The following KIFAP3 variants were observed in gnomAD, a reference collection of about 807,000 sequenced individuals.
KIFAP3 encodes the protein kinesin-associated protein 3.
In KIFAP3, 68 loss-of-function variants were observed where a neutral mutation model predicts 106.5. That is an observed-to-expected ratio of 0.64 (90% confidence interval 0.53 to 0.78). The LOEUF (loss-of-function observed/expected upper bound fraction) is 0.78. Among genes scored for constraint, KIFAP3 ranks in the 30% least tolerant of loss-of-function variants. KIFAP3 has a pLI of 0.00. For synonymous variants in KIFAP3, 320 were observed against 311.5 expected, an observed-to-expected ratio of 1.03 and a Z score of -0.29; for missense variants, 780 against 941.8, an observed-to-expected ratio of 0.83 and a Z score of 2.25.
At chr1:169,973,319 A>G (rs1443881133) in intron 16 of KIFAP3, among the ~76,000 whole-genome samples, 2 of 149,868 alleles carry the variant, frequency 1.3e-5, no homozygotes, top group Non-Finnish European at 3.0e-5. Flanking sequence ...AAAGAGATAA[A>G]AAGATTAGAA....
chr1:170,008,866 CCCA>C (rs1668102899), intron 10 of KIFAP3, among the ~76,000 whole-genome samples: 2 of 152,268 alleles, frequency 1.3e-5, no homozygotes, highest in Admixed American at 1.3e-4. Context: ...ATGGAACCAA[CCCA>C]AATGCCCATC....
At chr1:170,011,181 C>CA (rs1041977722) in intron 10 of KIFAP3, among the ~76,000 whole-genome samples, 8 of 151,458 alleles carry the variant, frequency 5.3e-5, no homozygotes, top group African/African-American at 1.9e-4. Context: ...AGTTATTTGC[C>CA]AAAAAATAAT....
rs552543037 is a variant in KIFAP3 at position 170,050,624 on chromosome 1, G to A, written c.165-3758C>T. Among the ~76,000 whole-genome samples the A allele has an allele frequency of 4.0e-3, 611 of 152,288 alleles. 1 individual carries two copies. The highest frequency in any genetic ancestry group is 7.1e-3 in the Admixed American group (109 of 15,280). ...TCAGGTCAACTACAAAGGGAAGCCCGTCAGACTAACAGCGGATCTCTCTGC... is the reference window on the plus strand; with the variant it reads ...TCAGGTCAACTACAAAGGGAAGCCCATCAGACTAACAGCGGATCTCTCTGC... On this transcript the variant is annotated intron_variant, in intron 2 of 19. Transcript: ENST00000361580.
chr1:169,976,086 C>G (rs1293192240), intron 16 of KIFAP3, among the ~76,000 whole-genome samples: 1 of 152,128 alleles, frequency 6.6e-6, no homozygotes, highest in Non-Finnish European at 1.5e-5. Flanking sequence ...ACATTTTAAA[C>G]AGACATCCCA....
chr1:169,935,829 C>G (rs1194123513), intron 19 of KIFAP3, among the ~76,000 whole-genome samples: 1 of 151,706 alleles, frequency 6.6e-6, no homozygotes, highest in Admixed American at 6.6e-5. Context: ...AAATACAAAA[C>G]AAAGCAGTAT....
intron 11 of KIFAP3, among the ~76,000 whole-genome samples, chr1:169,989,653 G>C (rs900318033): frequency 2.0e-4 from 30 of 152,102 alleles, no homozygotes; most frequent in African/African-American, 7.2e-4. Flanking sequence ...TAAGACACCT[G>C]CCTTGCTAGA....
rs1452881210 is a variant in KIFAP3, at chr1:170,016,730, T to A, written c.1021-106A>T. 3 of 628,866 alleles carry A rather than the reference T, an allele frequency of 4.8e-6. No homozygotes were observed. In the African/African-American group the frequency reaches 5.8e-5, roughly 12 times the overall value. The allele number at this position is 628,866 out of a possible 1,614,324, so 39.0% of individuals were successfully genotyped here. ...TTTACCCTAATGTATATCTGTTTTA[T>A]AATTATATGTTAATCTTATACTCCA... On this transcript the variant is annotated intron_variant, in intron 9 of 19. Transcript: ENST00000361580.
intron 19 of KIFAP3, among the ~76,000 whole-genome samples, chr1:169,945,329 C>A (rs1321422251): frequency 6.6e-6 from 1 of 152,158 alleles, no homozygotes; most frequent in Non-Finnish European, 1.5e-5. Context: ...CCCCAGGCCC[C>A]CAAGAGCACA....
At chr1:170,078,137 T>C (rs530071453), upstream of KIFAP3, among the ~76,000 whole-genome samples, 1 of 152,302 alleles carries the variant, frequency 6.6e-6, no homozygotes, top group East Asian at 1.9e-4. Flanking sequence ...TTTTCCAAAA[T>C]GAATGCCGTT....
In KIFAP3 at chr1:169,983,401, C is replaced by G. The variant is rs114618407; in HGVS notation, c.1394-19G>C. Reference sequence around the variant, plus strand: ...CCATTTCCTGAAACAGAAAAGTCCCCCAATAAAATTAAGGTTAGCTTAAGT... The same window carrying G: ...CCATTTCCTGAAACAGAAAAGTCCCGCAATAAAATTAAGGTTAGCTTAAGT... On this transcript the variant is annotated intron_variant, in intron 12 of 19. Transcript: ENST00000361580. 3,443 of 1,515,942 alleles carry G rather than the reference C, an allele frequency of 2.3e-3. 65 individuals carry two copies. In the African/African-American group the frequency reaches 0.042, roughly 18 times the overall value. 93.9% of individuals were successfully genotyped at this position (1,515,942 alleles called of 1,614,324 possible).
At chr1:170,031,851 C>T (rs1186498366) in intron 8 of KIFAP3, 35 bp downstream of exon 8, 2 of 1,320,218 alleles carry the variant, frequency 1.5e-6, no homozygotes, top group African/African-American at 1.4e-5. Context: ...GGAGTAAGTA[C>T]TTTGTTGCTT....
intron 3 of KIFAP3, chr1:170,041,784 G>GT (rs1669993979): frequency 1.3e-6 from 2 of 1,528,832 alleles, no homozygotes; most frequent in East Asian, 4.9e-5. Flanking sequence ...CTCCTGATCT[G>GT]TTGGCCTCCT....
At chr1:169,995,983 A>G (rs1017677254) in intron 10 of KIFAP3, among the ~76,000 whole-genome samples, 14 of 152,124 alleles carry the variant, frequency 9.2e-5, no homozygotes, top group African/African-American at 2.9e-4. Context: ...AACAGAAAGT[A>G]CAGAGAAGAG....
intron 15 of KIFAP3, among the ~76,000 whole-genome samples, chr1:169,978,685 T>C (rs999914121): frequency 2.0e-5 from 3 of 152,080 alleles, no homozygotes; most frequent in Non-Finnish European, 2.9e-5. Context: ...ACAGCTGATG[T>C]CCACTGATTA....
intron 11 of KIFAP3, among the ~76,000 whole-genome samples, chr1:169,987,081 T>C (rs1345602124): frequency 6.6e-6 from 1 of 152,092 alleles, no homozygotes; most frequent in Non-Finnish European, 1.5e-5. Context: ...TCAATTTTAA[T>C]TAAAGCTTTC....
In KIFAP3 at chr1:169,954,110, T is replaced by C. The variant is rs1307391310; in HGVS notation, c.2174A>G (p.Asp725Gly). ...LERPDLFYNS[D>G]GLIASEGAIS... ...GGCTCCTTCAGAGGCAATTAATCCA[T>C]CTAGAAAGAAAAAAAAATGGTAACC... The change falls in exon 19 of 20, where the codon GAT becomes GGT. Residue 725 changes from aspartate to glycine, a missense_variant and splice_region_variant. Transcript: ENST00000361580. The C allele has an allele frequency of 3.1e-6, 5 of 1,593,816 alleles. No homozygotes were observed. Among genetic ancestry groups the C allele is most frequent in the Non-Finnish European group, 4.3e-6 (5 of 1,162,374 alleles).
chr1:170,073,468 A>C (rs2102182095), intron 1 of KIFAP3, among the ~76,000 whole-genome samples: 1 of 152,338 alleles, frequency 6.6e-6, no homozygotes, highest in African/African-American at 2.4e-5. Flanking sequence ...AAAAATATTC[A>C]CTGCAAGTGT....
intron 10 of KIFAP3, among the ~76,000 whole-genome samples, chr1:170,002,834 T>G (rs1027171636): frequency 1.3e-5 from 2 of 152,204 alleles, no homozygotes; most frequent in Non-Finnish European, 2.9e-5. Context: ...CATCTATTGG[T>G]AACACTACTA....
intron 1 of KIFAP3, among the ~76,000 whole-genome samples, chr1:170,082,984 A>G (rs1342125787): frequency 6.6e-6 from 1 of 152,192 alleles, no homozygotes; most frequent in Non-Finnish European, 1.5e-5. Flanking sequence ...AAAAATAATA[A>G]TAAAATAAAC....
Sources: allele counts gnomAD v4.1 joint callset (sites outside exome capture counted in the v4.1 genomes callset), GRCh38; gene constraint gnomAD v4.1.1; transcripts MANE v1.5; gene names NCBI Gene and HGNC (gene_info 2026-07-23, HGNC 2026-07-21).